TMTC1: variants seen among roughly 807,000 people sequenced by gnomAD.
The protein encoded by TMTC1 is transmembrane O-mannosyltransferase targeting cadherins 1, also known as protein O-mannosyl-transferase TMTC1.
TMTC1 carries 73 observed loss-of-function variants against 104.8 expected under a neutral mutation model. The ratio of observed to expected loss-of-function variants is 0.70; its 90% confidence interval spans 0.58 to 0.85. TMTC1 has a LOEUF of 0.85. Among genes scored for constraint, TMTC1 ranks in the 40% least tolerant of loss-of-function variants. The pLI, the probability that TMTC1 is intolerant of heterozygous loss-of-function variation, is 0.00. For synonymous variants in TMTC1, 434 were observed against 428.7 expected (o/e 1.01, Z -0.15); for missense variants, 1,035 against 1,096.1 (o/e 0.94, Z 0.79).
chr12:29,566,378 C>A (rs115650652), intron 9 of TMTC1, among the ~76,000 whole-genome samples: 3,923 of 152,208 alleles, frequency 0.026, 181 homozygotes, highest in African/African-American at 0.089. Flanking sequence ...AGCATGGAGG[C>A]TGCTGCAGGG....
chr12:29,580,967 A>G (rs1462043770), intron 8 of TMTC1, among the ~76,000 whole-genome samples: 3 of 152,204 alleles, frequency 2.0e-5, no homozygotes, highest in Admixed American at 6.5e-5. Flanking sequence ...CGTTTCTCAA[A>G]TGCCAGAAAC....
intron 1 of TMTC1, among the ~76,000 whole-genome samples, chr12:29,779,740 CA>C (rs1347164983): frequency 6.6e-6 from 1 of 152,084 alleles, no homozygotes; most frequent in African/African-American, 2.4e-5. Flanking sequence ...GACAAAAAGA[CA>C]AGCTACAGAG....
chr12:29,607,228 T>C (rs1420355027), intron 6 of TMTC1, among the ~76,000 whole-genome samples: 2 of 152,258 alleles, frequency 1.3e-5, no homozygotes, highest in Non-Finnish European at 2.9e-5. Flanking sequence ...GTTTACTGCC[T>C]TTATTGTCTG....
intron 6 of TMTC1, among the ~76,000 whole-genome samples, chr12:29,617,361 T>C (rs1371397519): frequency 1.3e-5 from 2 of 152,138 alleles, no homozygotes; most frequent in Admixed American, 1.3e-4. Context: ...CATTGATTAT[T>C]CATTCGTTCA....
chr12:29,705,375 G>A (rs1941711758), intron 5 of TMTC1, among the ~76,000 whole-genome samples: 1 of 152,188 alleles, frequency 6.6e-6, no homozygotes, highest in Non-Finnish European at 1.5e-5. Context: ...TGCAGATACA[G>A]GAAAAGCTCT....
chr12:29,681,648 GT>G (rs1940922452), intron 5 of TMTC1, among the ~76,000 whole-genome samples: 1 of 151,388 alleles, frequency 6.6e-6, no homozygotes. Context: ...ATTGTGGGAA[GT>G]GTTACAAGGC....
chr12:29,502,271 T>A lies in TMTC1; in HGVS notation c.*4575A>T, dbSNP rs1020434486. On this transcript the variant is annotated 3_prime_UTR_variant, in exon 18 of 18. Coordinates refer to ENST00000539277, the MANE Select transcript of TMTC1 (RefSeq NM_001193451.2). The stretch of plus-strand genomic sequence containing the variant: ...CACCTCTCACTATATTTGTTTTGAA[T>A]GTCATTCCTAATATCCTCTAAATTT... 1 of 151,888 alleles carries A rather than the reference T, an allele frequency of 6.6e-6. No individual in the cohort carries two copies. Among genetic ancestry groups the A allele is most frequent in the African/African-American group, 2.4e-5 (1 of 41,370 alleles). The allele number at this position is 151,888 out of a possible 1,614,324, so 9.4% of individuals were successfully genotyped here.
At chr12:29,762,128 G>A (rs563413792) in intron 2 of TMTC1, among the ~76,000 whole-genome samples, 41 of 152,204 alleles carry the variant, frequency 2.7e-4, no homozygotes, top group South Asian at 8.3e-4. Context: ...GCAGTGAGCC[G>A]AGATCACATC....
intron 1 of TMTC1, among the ~76,000 whole-genome samples, chr12:29,778,902 G>A (rs1043423395): frequency 2.0e-5 from 3 of 152,202 alleles, no homozygotes; most frequent in Non-Finnish European, 4.4e-5. Context: ...CAGCAGGGCA[G>A]CAGGGCCATT....
intron 17 of TMTC1, among the ~76,000 whole-genome samples, chr12:29,509,752 CA>C (rs1161285538): frequency 6.6e-6 from 1 of 151,966 alleles, no homozygotes; most frequent in African/African-American, 2.4e-5. Flanking sequence ...TCCACAAAGA[CA>C]AAAAACAGGA....
intron 17 of TMTC1, among the ~76,000 whole-genome samples, chr12:29,509,525 T>C (rs1014937726): frequency 6.6e-6 from 1 of 152,200 alleles, no homozygotes; most frequent in Non-Finnish European, 1.5e-5. Flanking sequence ...GATGCACACA[T>C]GACCTGGCAA....
At chr12:29,739,213 A>T (rs1942761153) in intron 5 of TMTC1, among the ~76,000 whole-genome samples, 1 of 152,068 alleles carries the variant, frequency 6.6e-6, no homozygotes, top group African/African-American at 2.4e-5. Flanking sequence ...CCTTCATGAC[A>T]GGACTCCTGC....
chr12:29,691,353 A>C (rs1353425965), intron 5 of TMTC1, among the ~76,000 whole-genome samples: 1 of 152,080 alleles, frequency 6.6e-6, no homozygotes, highest in African/African-American at 2.4e-5. Flanking sequence ...TCTCCAACCC[A>C]ACTAATCAGC....
intron 5 of TMTC1, among the ~76,000 whole-genome samples, chr12:29,696,601 A>G (rs1359089238): frequency 3.3e-5 from 5 of 152,322 alleles, no homozygotes; most frequent in African/African-American, 1.2e-4. Flanking sequence ...TTTTCTTATT[A>G]AAAAGGATGA....
chr12:29,507,611 T>C (rs573095336), intron 17 of TMTC1, among the ~76,000 whole-genome samples: 1 of 152,334 alleles, frequency 6.6e-6, no homozygotes, highest in South Asian at 2.1e-4. Flanking sequence ...GTATGGTATG[T>C]GACTCCTGAC....
chr12:29,695,556 C>T (rs529334729), intron 5 of TMTC1, among the ~76,000 whole-genome samples: 2 of 151,858 alleles, frequency 1.3e-5, no homozygotes, highest in Admixed American at 1.3e-4. Context: ...CTGGCCGCCT[C>T]AGCCTCCCAA....
chr12:29,512,957 C>A (rs2136136936), intron 16 of TMTC1, among the ~76,000 whole-genome samples: 1 of 152,192 alleles, frequency 6.6e-6, no homozygotes, highest in Non-Finnish European at 1.5e-5. Flanking sequence ...CAAACAGGTC[C>A]ATCAAATAAA....
intron 5 of TMTC1, among the ~76,000 whole-genome samples, chr12:29,682,487 TA>T (rs1004070040): frequency 2.0e-5 from 3 of 151,838 alleles, no homozygotes; most frequent in African/African-American, 4.8e-5. Flanking sequence ...AAAAATTTAC[TA>T]AAAAAAACCA....
At chr12:29,779,040 C>T (rs1419160001) in intron 1 of TMTC1, among the ~76,000 whole-genome samples, 1 of 152,176 alleles carries the variant, frequency 6.6e-6, no homozygotes, top group East Asian at 1.9e-4. Flanking sequence ...ATGCAAGAGG[C>T]TTGCAAAAAG....
Sources: gnomAD v4.1 joint callset for allele counts (sites outside exome capture counted in the v4.1 genomes callset) on GRCh38, gnomAD v4.1.1 for gene constraint, MANE v1.5 for transcripts, NCBI Gene and HGNC (gene_info 2026-07-23, HGNC 2026-07-21) for gene names.